The following GRIN2A variants were observed in gnomAD, a reference collection of about 807,000 sequenced individuals.
The protein encoded by GRIN2A is glutamate ionotropic receptor NMDA type subunit 2A.
GRIN2A carries 22 observed loss-of-function variants against 113.4 expected under a neutral mutation model. That is an observed-to-expected ratio of 0.19 (90% CI 0.14 to 0.28). The LOEUF (loss-of-function observed/expected upper bound fraction) is 0.28, where lower values mean the gene tolerates loss of function less well. GRIN2A is among the 10% of genes least tolerant of loss of function. GRIN2A has a pLI of 1.00. For missense variants in GRIN2A, 1,502 were observed against 1,887.0 expected, an observed-to-expected ratio of 0.80 and a Z score of 3.78; for synonymous variants, 827 against 738.4, an observed-to-expected ratio of 1.12 and a Z score of -1.94.
chr16:9,866,111 G>A (rs767818035), intron 4 of GRIN2A, among the ~76,000 whole-genome samples: 1 of 152,166 alleles, frequency 6.6e-6, no homozygotes, highest in African/African-American at 2.4e-5. Flanking sequence ...GTCCTTATCT[G>A]TAAAGGATCC....
chr16:9,854,772 G>C (rs1037515833), intron 4 of GRIN2A, among the ~76,000 whole-genome samples: 4 of 152,130 alleles, frequency 2.6e-5, no homozygotes, highest in African/African-American at 9.7e-5. Flanking sequence ...TACCAGGGTT[G>C]CACCGCATTT....
At chr16:10,097,767 T>C (rs2048321422) in intron 2 of GRIN2A, among the ~76,000 whole-genome samples, 1 of 152,172 alleles carries the variant, frequency 6.6e-6, no homozygotes, top group African/African-American at 2.4e-5. Context: ...TGGATCCTCA[T>C]CTCTCACCTT....
At chr16:10,030,275 C>T (rs2046904765) in intron 2 of GRIN2A, among the ~76,000 whole-genome samples, 1 of 152,142 alleles carries the variant, frequency 6.6e-6, no homozygotes, top group Non-Finnish European at 1.5e-5. Flanking sequence ...ATATTACTGT[C>T]AGTTCTGGCA....
intron 2 of GRIN2A, among the ~76,000 whole-genome samples, chr16:10,090,403 T>G (rs1352664401): frequency 1.3e-5 from 2 of 152,198 alleles, no homozygotes; most frequent in African/African-American, 4.8e-5. Flanking sequence ...AATTGATTTT[T>G]GACAAACATG....
chr16:9,788,758 T>TC (rs1314752186), intron 11 of GRIN2A, among the ~76,000 whole-genome samples: 3 of 150,094 alleles, frequency 2.0e-5, no homozygotes, highest in African/African-American at 2.5e-5. Flanking sequence ...TTTTTTTTTT[T>TC]CTGAGACAGA....
At chr16:10,004,609 A>G (rs773697641) in intron 2 of GRIN2A, among the ~76,000 whole-genome samples, 3 of 152,100 alleles carry the variant, frequency 2.0e-5, no homozygotes, top group Non-Finnish European at 4.4e-5. Flanking sequence ...AGTTCCTAGA[A>G]TTGTAATCCC....
intron 4 of GRIN2A, among the ~76,000 whole-genome samples, chr16:9,861,797 G>A (rs1234416198): frequency 6.6e-6 from 1 of 152,212 alleles, no homozygotes; most frequent in South Asian, 2.1e-4. Context: ...GGTCAAACCT[G>A]CTCTGTCTTC....
intron 2 of GRIN2A, among the ~76,000 whole-genome samples, chr16:10,134,879 T>C (rs189069932): frequency 6.6e-6 from 1 of 152,260 alleles, no homozygotes; most frequent in African/African-American, 2.4e-5. Context: ...ATACCTAATC[T>C]CTTCAAAGAG....
intron 3 of GRIN2A, among the ~76,000 whole-genome samples, chr16:9,897,723 C>T (rs1361056219): frequency 1.3e-5 from 2 of 152,022 alleles, no homozygotes; most frequent in Non-Finnish European, 2.9e-5. Flanking sequence ...TAATGGGCTA[C>T]CAGAAAATTT....
chr16:10,014,039 G>A (rs1041788154), intron 2 of GRIN2A, among the ~76,000 whole-genome samples: 4 of 152,194 alleles, frequency 2.6e-5, no homozygotes, highest in Non-Finnish European at 4.4e-5. Flanking sequence ...CTGTGACTTC[G>A]TTATTTGATG....
intron 11 of GRIN2A, among the ~76,000 whole-genome samples, chr16:9,775,889 C>T (rs1337335274): frequency 6.6e-6 from 1 of 152,170 alleles, no homozygotes; most frequent in Non-Finnish European, 1.5e-5. Flanking sequence ...ATGTCTCATT[C>T]AAATTGCAAA....
intron 2 of GRIN2A, among the ~76,000 whole-genome samples, chr16:9,960,594 G>A (rs995986403): frequency 5.9e-5 from 9 of 152,088 alleles, no homozygotes; most frequent in Non-Finnish European, 1.3e-4. Context: ...TGTTCCTAAC[G>A]TGTAATTTTT....
At chr16:10,166,045 C>T (rs767855575) in intron 2 of GRIN2A, among the ~76,000 whole-genome samples, 3 of 152,292 alleles carry the variant, frequency 2.0e-5, no homozygotes, top group Middle Eastern at 6.8e-3. Flanking sequence ...TCTGAGTCTA[C>T]TCACCCAAGT....
chr16:9,837,286 T>C (rs938058509), intron 7 of GRIN2A, among the ~76,000 whole-genome samples: 1 of 152,140 alleles, frequency 6.6e-6, no homozygotes, highest in African/African-American at 2.4e-5. Context: ...GCTTTGAAAA[T>C]AGTTTCCTCT....
chr16:10,143,375 C>T (rs930874568), intron 2 of GRIN2A, among the ~76,000 whole-genome samples: 2 of 152,142 alleles, frequency 1.3e-5, no homozygotes, highest in Non-Finnish European at 2.9e-5. Context: ...ATTCAGGAGC[C>T]ATTCTACTAT....
intron 2 of GRIN2A, among the ~76,000 whole-genome samples, chr16:10,099,931 G>A (rs1328325462): frequency 6.7e-6 from 1 of 148,226 alleles, no homozygotes; most frequent in East Asian, 2.0e-4. Flanking sequence ...TTCATTGAGG[G>A]AGCTCAGGGA....
At chr16:9,944,670 G>C (rs2044974788) in intron 2 of GRIN2A, among the ~76,000 whole-genome samples, 1 of 152,034 alleles carries the variant, frequency 6.6e-6, no homozygotes, top group African/African-American at 2.4e-5. Flanking sequence ...GACAATTCTT[G>C]AGGGTAGGGC....
chr16:9,853,343 T>G (rs1280525914), intron 4 of GRIN2A, among the ~76,000 whole-genome samples: 1 of 152,176 alleles, frequency 6.6e-6, no homozygotes, highest in Non-Finnish European at 1.5e-5. Flanking sequence ...GAGGGGTCTT[T>G]GGGAGCTGAT....
At chr16:9,988,284 CGTGT>C (rs4031160) in intron 2 of GRIN2A, among the ~76,000 whole-genome samples, 16,386 of 146,868 alleles carry the variant, frequency 0.11, 1,009 homozygotes, top group African/African-American at 0.15. Flanking sequence ...TGTGTGTGTG[CGTGT>C]GTGTGTGTGT....
Sources: allele counts gnomAD v4.1 joint callset (sites outside exome capture counted in the v4.1 genomes callset), GRCh38; gene constraint gnomAD v4.1.1; transcripts MANE v1.5; gene names NCBI Gene and HGNC (gene_info 2026-07-23, HGNC 2026-07-21).